PDE1A: variants seen among roughly 807,000 people sequenced by gnomAD.
PDE1A encodes phosphodiesterase 1A.
PDE1A carries 35 observed loss-of-function variants against 61.7 expected under a neutral mutation model. The ratio of observed to expected loss-of-function variants is 0.57; its 90% CI spans 0.43 to 0.75. The LOEUF (loss-of-function observed/expected upper bound fraction) is 0.75. Among genes scored for constraint, PDE1A ranks in the 30% least tolerant of loss-of-function variants. The pLI is 0.00. For missense variants in PDE1A, 597 were observed against 630.6 expected, an observed-to-expected ratio of 0.95 and a Z score of 0.57; for synonymous variants, 232 against 213.2, an observed-to-expected ratio of 1.09 and a Z score of -0.77.
the PDE1A span, among the ~76,000 whole-genome samples, chr2:182,590,928 G>T: frequency 6.6e-6 from 1 of 152,176 alleles, no homozygotes; most frequent in African/African-American, 2.4e-5. Flanking sequence ...ACCACCCACA[G>T]TAAGCAAGCC....
chr2:182,583,392 C>T, the PDE1A span, among the ~76,000 whole-genome samples: 1 of 152,148 alleles, frequency 6.6e-6, no homozygotes, highest in Non-Finnish European at 1.5e-5. Context: ...TCTGGCTTTT[C>T]TTTCTTCAAC....
chr2:182,284,300 C>G (rs1404157862), intron 1 of PDE1A, among the ~76,000 whole-genome samples: 1 of 152,050 alleles, frequency 6.6e-6, no homozygotes, highest in East Asian at 1.9e-4. Context: ...TAGAACAAAT[C>G]TTAAATGCAA....
the PDE1A span, among the ~76,000 whole-genome samples, chr2:182,554,994 T>C: frequency 6.6e-6 from 1 of 152,220 alleles, no homozygotes; most frequent in Admixed American, 6.5e-5. Context: ...ATAGTTGAAA[T>C]ATTGAATCTA....
the PDE1A span, among the ~76,000 whole-genome samples, chr2:182,644,660 G>T: frequency 2.0e-5 from 3 of 152,120 alleles, no homozygotes; most frequent in African/African-American, 7.2e-5. Context: ...CGCTGAGCCT[G>T]ATTTTCACAT....
chr2:182,545,968 A>C, the PDE1A span, among the ~76,000 whole-genome samples: 5 of 152,244 alleles, frequency 3.3e-5, no homozygotes, highest in Non-Finnish European at 7.3e-5. Context: ...TACTATATAG[A>C]GAAGCAAGAC....
chr2:182,619,903 G>A, the PDE1A span, among the ~76,000 whole-genome samples: 19 of 152,244 alleles, frequency 1.2e-4, no homozygotes, highest in Non-Finnish European at 2.5e-4. Context: ...AGGCAGAAGC[G>A]CAAGAGAACA....
At chr2:182,662,821 T>C in the PDE1A span, among the ~76,000 whole-genome samples, 23 of 152,136 alleles carry the variant, frequency 1.5e-4, no homozygotes, top group African/African-American at 5.1e-4. Context: ...AAAGCAAAAA[T>C]TGACAAATAG....
the PDE1A span, among the ~76,000 whole-genome samples, chr2:182,687,204 G>A: frequency 1.3e-5 from 2 of 152,224 alleles, no homozygotes; most frequent in African/African-American, 4.8e-5. Context: ...CCAGCACGGA[G>A]TTTGAGATCT....
rs1353012764 is a variant in PDE1A at position 182,203,380 on chromosome 2, C to T, written c.903-1591G>A. On this transcript the variant is annotated intron_variant, in intron 8 of 13. Transcript: ENST00000351439. ...CTTGCTGAAAATCATGAGCACTCAACATTTCTATTGAATTTTTAGATAGAA... is the reference window on the plus strand; with the variant it reads ...CTTGCTGAAAATCATGAGCACTCAATATTTCTATTGAATTTTTAGATAGAA... Among the ~76,000 whole-genome samples the T allele has an allele frequency of 6.6e-5, 10 of 152,186 alleles. No homozygotes were observed. The South Asian group carries it at 1.2e-3, about 19-fold the overall frequency.
chr2:182,369,748 T>C (rs1248998684), intron 1 of PDE1A, among the ~76,000 whole-genome samples: 2 of 152,070 alleles, frequency 1.3e-5, no homozygotes, highest in East Asian at 1.9e-4. Context: ...TAAAGCCAAA[T>C]TGCAGTGTCA....
chr2:182,377,198 A>C (rs1200129076), intron 1 of PDE1A, among the ~76,000 whole-genome samples: 1 of 152,180 alleles, frequency 6.6e-6, no homozygotes, highest in Non-Finnish European at 1.5e-5. Context: ...CCTAGTGAGA[A>C]GTATTTGGTT....
chr2:182,641,469 T>G, the PDE1A span, among the ~76,000 whole-genome samples: 1 of 152,148 alleles, frequency 6.6e-6, no homozygotes, highest in African/African-American at 2.4e-5. Flanking sequence ...TATTTCAACA[T>G]TTTTCCCAAG....
chr2:182,434,187 T>G (rs1704094876), intron 2 of PDE1A, among the ~76,000 whole-genome samples: 1 of 152,218 alleles, frequency 6.6e-6, no homozygotes, highest in African/African-American at 2.4e-5. Flanking sequence ...CAAAAATATA[T>G]TTTTTCTCAT....
chr2:182,588,927 C>T, the PDE1A span, among the ~76,000 whole-genome samples: 1 of 151,614 alleles, frequency 6.6e-6, no homozygotes, highest in African/African-American at 2.4e-5. Context: ...CCTGTAATCC[C>T]AGCTACTTGG....
At chr2:182,511,103 TTCTC>T (rs1689751906) in intron 2 of PDE1A, among the ~76,000 whole-genome samples, 1 of 152,160 alleles carries the variant, frequency 6.6e-6, no homozygotes, top group Non-Finnish European at 1.5e-5. Context: ...ACTTAATTAA[TTCTC>T]TCAACACCGA....
At chr2:182,519,297 C>CAGGTCTTTT (rs1690411121) in intron 2 of PDE1A, among the ~76,000 whole-genome samples, 1 of 151,966 alleles carries the variant, frequency 6.6e-6, no homozygotes, top group Non-Finnish European at 1.5e-5. Context: ...CTTTTTAAAT[C>CAGGTCTTTT]TAATTTATGA....
the PDE1A span, among the ~76,000 whole-genome samples, chr2:182,612,290 G>T: frequency 6.6e-6 from 1 of 152,150 alleles, no homozygotes; most frequent in Non-Finnish European, 1.5e-5. Context: ...ACAAAAAAAG[G>T]TCTGAGTGAA....
intron 2 of PDE1A, among the ~76,000 whole-genome samples, chr2:182,517,189 C>G (rs1286709987): frequency 6.6e-6 from 1 of 152,164 alleles, no homozygotes; most frequent in Admixed American, 6.5e-5. Flanking sequence ...TGTTTAAACC[C>G]ATGTTCTACC....
At chr2:182,190,287 T>C (rs1435768209) in intron 10 of PDE1A, among the ~76,000 whole-genome samples, 1 of 152,208 alleles carries the variant, frequency 6.6e-6, no homozygotes, top group Non-Finnish European at 1.5e-5. Context: ...GGAATAAGAA[T>C]TTCTGTGACC....
Sources: gnomAD v4.1 joint callset for allele counts (sites outside exome capture counted in the v4.1 genomes callset) on GRCh38, gnomAD v4.1.1 for gene constraint, MANE v1.5 for transcripts, NCBI Gene and HGNC (gene_info 2026-07-23, HGNC 2026-07-21) for gene names.